The following NKD2 variants were observed in gnomAD, a reference collection of about 807,000 sequenced individuals.
The protein encoded by NKD2 is NKD inhibitor of Wnt signaling pathway 2.
NKD2 carries 43 observed loss-of-function variants against 34.8 expected under a neutral mutation model. That is an observed-to-expected ratio of 1.24 (90% CI 0.97 to 1.60). NKD2 has a LOEUF of 1.60. NKD2 is among the 40% of genes most tolerant of loss of function. The pLI is 0.00. For missense variants in NKD2, 675 were observed against 627.1 expected (o/e 1.08, Z -0.82); for synonymous variants, 278 against 265.1 (o/e 1.05, Z -0.47).
intron 3 of NKD2, among the ~76,000 whole-genome samples, chr5:1,018,203 C>T (rs73731129): frequency 0.071 from 10,742 of 152,224 alleles, 1,118 homozygotes; most frequent in African/African-American, 0.23. Context: ...GTGCACTGGT[C>T]TCTGTGCTGT....
At chr5:1,027,325 A>C (rs570006215) in intron 3 of NKD2, among the ~76,000 whole-genome samples, 2 of 152,310 alleles carry the variant, frequency 1.3e-5, no homozygotes, top group Admixed American at 1.3e-4. Context: ...GCTGTAGGAG[A>C]GGCCCGTCCT....
At chr5:1,037,215 C>T (rs1734025709) in intron 9 of NKD2, among the ~76,000 whole-genome samples, 1 of 152,146 alleles carries the variant, frequency 6.6e-6, no homozygotes, top group African/African-American at 2.4e-5. Context: ...TGTACCAAAG[C>T]CCAGGCCACT....
Position 1,036,292 on chromosome 5 carries a change from G to T in NKD2, c.695G>T (p.Arg232Leu). ...ACTGACCCCCAGCCCTGCTCGGAGC[G>T]GGGGCCCTACTGCGTGGACGAGAAC... is the stretch of plus-strand genomic sequence containing the variant. Reference protein sequence around the residue: ...PSTDPQPCSERGPYCVDENTE... With the variant: ...PSTDPQPCSELGPYCVDENTE... The change falls in exon 9 of 10, where the codon CGG becomes CTG. Residue 232 changes from arginine to leucine, a missense_variant. Transcript: ENST00000296849. 6.2e-7 allele frequency: 1 copy of T among 1,611,954 alleles called. No homozygotes were observed.
At chr5:1,017,786 T>C (rs1383777021) in intron 3 of NKD2, among the ~76,000 whole-genome samples, 2 of 150,444 alleles carry the variant, frequency 1.3e-5, no homozygotes, top group African/African-American at 4.9e-5. Flanking sequence ...GGGGTGCGGG[T>C]GAGGCCGGGC....
chr5:1,032,101 C>A (rs1330524788), intron 3 of NKD2, 51 bp from the exon 4 acceptor site: 3 of 1,476,298 alleles, frequency 2.0e-6, no homozygotes, highest in Non-Finnish European at 2.8e-6. Flanking sequence ...CCCATCTCCC[C>A]CGCCTGCCCA....
chr5:1,037,738 C>T lies in NKD2; in HGVS notation c.788-67C>T, dbSNP rs566843461. On this transcript the variant is annotated intron_variant, in intron 9 of 9. Coordinates refer to ENST00000296849, the MANE Select transcript of NKD2 (RefSeq NM_033120.4). ...GCAGCTCTTCCAGTGGGCCCTGGGC[C>T]GTTTCTGAGGAGATGGGAACCTGAG... is the stretch of plus-strand genomic sequence containing the variant. 1.8e-3 allele frequency: 2,779 copies of T among 1,573,042 alleles called. 1 individual carries two copies. Among genetic ancestry groups the T allele is most frequent in the Non-Finnish European group, 2.1e-3 (2,479 of 1,165,128 alleles).
chr5:1,026,931 A>T (rs1448389829), intron 3 of NKD2, among the ~76,000 whole-genome samples: 6 of 152,138 alleles, frequency 3.9e-5, no homozygotes, highest in Non-Finnish European at 8.8e-5. Flanking sequence ...AGCCCCACAA[A>T]CTGGCCCTCG....
chr5:1,031,376 T>C (rs1240763065), intron 3 of NKD2, among the ~76,000 whole-genome samples: 1 of 152,188 alleles, frequency 6.6e-6, no homozygotes, highest in Non-Finnish European at 1.5e-5. Context: ...GACTGAGCTC[T>C]GTGCTGTATC....
intron 9 of NKD2, 116 bp downstream of exon 9, chr5:1,036,500 C>G (rs1733945670): frequency 3.8e-6 from 2 of 521,562 alleles, no homozygotes; most frequent in Non-Finnish European, 6.1e-6. Flanking sequence ...CCGCCCCCCC[C>G]CAACCCCCCC....
chr5:1,016,555 T>C (rs1165121719), intron 3 of NKD2, among the ~76,000 whole-genome samples: 1 of 152,260 alleles, frequency 6.6e-6, no homozygotes, highest in African/African-American at 2.4e-5. Flanking sequence ...AATTGGAGAT[T>C]ATTTTAATGG....
In NKD2 at chr5:1,026,049, A is replaced by G. The variant is rs539259280; in HGVS notation, c.142-6103A>G. The stretch of plus-strand genomic sequence containing the variant: ...CCACCCTCTGTGGGCGTCCCAGCCC[A>G]TTGTCCCTGCTCTTCCCACCCGCTG... On this transcript the variant is annotated intron_variant, in intron 3 of 9. Coordinates refer to ENST00000296849, the MANE Select transcript of NKD2 (RefSeq NM_033120.4). Among the ~76,000 whole-genome samples, 33 of 19,796 alleles carry G rather than the reference A, an allele frequency of 1.7e-3. 2 individuals are homozygous for G. The highest frequency in any genetic ancestry group is 2.7e-3 in the Non-Finnish European group (26 of 9,794). The allele number at this position is 19,796 out of a possible 152,430, so 13.0% of individuals were successfully genotyped here. A position where few individuals can be genotyped will look rare whatever the true frequency, so the allele number is the denominator to read the frequency against.
At chr5:1,027,810 G>A (rs766710606) in intron 3 of NKD2, among the ~76,000 whole-genome samples, 3 of 152,218 alleles carry the variant, frequency 2.0e-5, no homozygotes, top group Admixed American at 6.5e-5. Context: ...GTGCCTGGCC[G>A]TGCCCACCTG....
intron 4 of NKD2, among the ~76,000 whole-genome samples, chr5:1,032,827 C>T (rs1419821059): frequency 6.6e-6 from 1 of 152,218 alleles, no homozygotes; most frequent in African/African-American, 2.4e-5. Context: ...CGGACAGTCC[C>T]ACACTCCTAT....
chr5:1,032,239 TC>T, intron 4 of NKD2, 27 bp downstream of exon 4: 2 of 1,572,216 alleles, frequency 1.3e-6, no homozygotes, highest in Non-Finnish European at 1.7e-6. Context: ...CAGCCCTCCC[TC>T]CCCAAACTCA....
At chr5:1,037,708 CT>C (rs765579522) in intron 9 of NKD2, 96 bp from the exon 10 acceptor site, 2 of 1,545,608 alleles carry the variant, frequency 1.3e-6, no homozygotes, top group African/African-American at 2.7e-5. Context: ...GGTGGGACCC[CT>C]GGCGCAGCTC....
At chr5:1,016,697 C>T (rs1266155206) in intron 3 of NKD2, among the ~76,000 whole-genome samples, 1 of 152,220 alleles carries the variant, frequency 6.6e-6, no homozygotes, top group African/African-American at 2.4e-5. Flanking sequence ...TCCAGGGCTC[C>T]CACCTGCCCT....
At position 1,038,607 on chromosome 5, in the gene NKD2, A is replaced by G. The variant is rs1330452666; in HGVS notation, c.*234A>G. 4 of 796,490 alleles carry G rather than the reference A, an allele frequency of 5.0e-6. No homozygotes were observed. The highest frequency in any genetic ancestry group is 6.2e-6 in the Non-Finnish European group (3 of 481,480). 49.3% of individuals were successfully genotyped at this position (796,490 alleles called of 1,614,324 possible). ...TGCCCTCGATGCCACATGGCGGTGA[A>G]CACATCTGAAGCCACTATGTTTCCT... On this transcript the variant is annotated 3_prime_UTR_variant, in exon 10 of 10. Coordinates refer to ENST00000296849, the MANE Select transcript of NKD2 (RefSeq NM_033120.4). This position sits in a 1 kb window ranked among gnomAD's most constrained non-coding sequence, Gnocchi z 4.5.
At position 1,025,087 on chromosome 5, in the gene NKD2, T is replaced by TA. The variant is rs1436685773; in HGVS notation, c.142-7065_142-7064insA. ...CGTTGTCCCTGCTCTTCCCACCCGC[T>TA]GTGGGCGTCTCAGCCCGTTGTCCCT... On this transcript the variant is annotated intron_variant, in intron 3 of 9. Coordinates refer to ENST00000296849, the MANE Select transcript of NKD2 (RefSeq NM_033120.4). 7.2e-4 allele frequency among the ~76,000 whole-genome samples: 9 copies of TA among 12,424 alleles called. 1 individual carries two copies. The highest frequency in any genetic ancestry group is 4.5e-3 in the Non-Finnish European group (4 of 880). 8.2% of individuals were successfully genotyped at this position (12,424 alleles called of 152,430 possible). A position where few individuals can be genotyped will look rare whatever the true frequency, so the allele number is the denominator to read the frequency against.
intron 9 of NKD2, 171 bp from the exon 10 acceptor site, chr5:1,037,634 C>G (rs945520209): frequency 6.5e-6 from 10 of 1,535,872 alleles, no homozygotes; most frequent in Admixed American, 2.0e-5. Context: ...CCACAGTGGC[C>G]AGGCCCCTTC....
Sources: gnomAD v4.1 joint callset for allele counts (sites outside exome capture counted in the v4.1 genomes callset) on GRCh38, gnomAD v4.1.1 for gene constraint, Gnocchi (gnomAD v3.1) non-coding constraint, MANE v1.5 for transcripts, NCBI Gene and HGNC (gene_info 2026-07-23, HGNC 2026-07-21) for gene names.